SLC9D1: variants seen among roughly 807,000 people sequenced by gnomAD.
SLC9D1 encodes solute carrier family 9 member D1, also known as putative LAG1-interacting protein.
At chr13:113,503,452 G>A in the SLC9D1 span, 1 of 1,484,676 alleles carries the variant, frequency 6.7e-7, no homozygotes, top group South Asian at 1.1e-5. Flanking sequence ...TACTTAATAT[G>A]TTAAACATGT....
chr13:113,507,416 TC>T, the SLC9D1 span, among the ~76,000 whole-genome samples: 1 of 152,210 alleles, frequency 6.6e-6, no homozygotes, highest in African/African-American at 2.4e-5. Context: ...CTGATGAGCC[TC>T]CTGCCACGTG....
chr13:113,495,749 G>C, the SLC9D1 span: 2 of 1,614,066 alleles, frequency 1.2e-6, no homozygotes. Flanking sequence ...GCTGCAGGAA[G>C]CTCTCAGGGC....
chr13:113,509,638 A>C, the SLC9D1 span, among the ~76,000 whole-genome samples: 1 of 152,238 alleles, frequency 6.6e-6, no homozygotes, highest in Admixed American at 6.5e-5. Flanking sequence ...GGGACCATGC[A>C]GTGAGGAGAA....
At chr13:113,536,919 C>G in the SLC9D1 span, among the ~76,000 whole-genome samples, 5 of 152,212 alleles carry the variant, frequency 3.3e-5, no homozygotes, top group South Asian at 2.1e-4. Flanking sequence ...GCCAGCCCGT[C>G]CTGCTGCTGT....
chr13:113,507,767 A>G, the SLC9D1 span, among the ~76,000 whole-genome samples: 1 of 152,242 alleles, frequency 6.6e-6, no homozygotes, highest in African/African-American at 2.4e-5. Context: ...TGTTCTAACT[A>G]CAAATACCTG....
chr13:113,508,526 G>A, the SLC9D1 span, among the ~76,000 whole-genome samples: 382 of 152,326 alleles, frequency 2.5e-3, 2 homozygotes, highest in African/African-American at 8.7e-3. Flanking sequence ...AAATTCAGAG[G>A]CAGGCTTTGT....
the SLC9D1 span, among the ~76,000 whole-genome samples, chr13:113,494,129 T>C: frequency 6.6e-6 from 1 of 152,326 alleles, no homozygotes; most frequent in South Asian, 2.1e-4. Flanking sequence ...TATGTGATGG[T>C]TGAGTAGGAA....
chr13:113,493,115 T>C, the SLC9D1 span, among the ~76,000 whole-genome samples: 7 of 152,236 alleles, frequency 4.6e-5, no homozygotes, highest in Non-Finnish European at 8.8e-5. Context: ...TTTCATGTTA[T>C]GAGTATGTTT....
At chr13:113,549,656 G>T in the SLC9D1 span, 1 of 1,159,992 alleles carries the variant, frequency 8.6e-7, no homozygotes. Flanking sequence ...CCCTCTAGCA[G>T]AGCGTCAGTG....
the SLC9D1 span, among the ~76,000 whole-genome samples, chr13:113,519,041 T>C: frequency 1.4e-5 from 2 of 142,228 alleles, no homozygotes; most frequent in South Asian, 4.5e-4. Context: ...TTGATAACAG[T>C]AGCTTTTTTT....
the SLC9D1 span, chr13:113,496,102 A>G: frequency 1.9e-6 from 2 of 1,037,138 alleles, no homozygotes; most frequent in Non-Finnish European, 1.4e-6. Context: ...GCGTGCCCAC[A>G]TCCTCATCCT....
At chr13:113,508,444 C>T in the SLC9D1 span, among the ~76,000 whole-genome samples, 1 of 152,182 alleles carries the variant, frequency 6.6e-6, no homozygotes. Context: ...CCGTGATATT[C>T]GGAAGAGGAA....
At chr13:113,526,881 A>T in the SLC9D1 span, among the ~76,000 whole-genome samples, 1 of 152,226 alleles carries the variant, frequency 6.6e-6, no homozygotes, top group Non-Finnish European at 1.5e-5. Flanking sequence ...CTTTGATGCT[A>T]TACTTTCAGT....
chr13:113,539,502 C>G, the SLC9D1 span: 2 of 1,611,826 alleles, frequency 1.2e-6, no homozygotes, highest in East Asian at 2.2e-5. The surrounding 1 kb of genome is among the most constrained non-coding windows in gnomAD (Gnocchi z 4.8). Flanking sequence ...TTCTTCGCCT[C>G]CATAGGTAAT....
chr13:113,493,016 A>C, the SLC9D1 span, among the ~76,000 whole-genome samples: 10,122 of 152,332 alleles, frequency 0.066, 383 homozygotes, highest in Non-Finnish European at 0.078. Flanking sequence ...TTTAGTAGTC[A>C]GTAGGATTTT....
chr13:113,519,119 C>T, the SLC9D1 span, among the ~76,000 whole-genome samples: 1 of 151,074 alleles, frequency 6.6e-6, no homozygotes, highest in Non-Finnish European at 1.5e-5. Flanking sequence ...TCTCAGCTCA[C>T]TGTAACCTCC....
chr13:113,532,408 CTG>C, the SLC9D1 span, among the ~76,000 whole-genome samples: 755 of 152,202 alleles, frequency 5.0e-3, 6 homozygotes, highest in Non-Finnish European at 7.3e-3. Flanking sequence ...GCAAGGGGCT[CTG>C]TGGCCTGTGT....
At chr13:113,503,715 G>A in the SLC9D1 span, 13 of 585,468 alleles carry the variant, frequency 2.2e-5, no homozygotes, top group South Asian at 1.4e-4. Flanking sequence ...ATGATATTTC[G>A]GTTTGATGTT....
the SLC9D1 span, among the ~76,000 whole-genome samples, chr13:113,502,747 G>A: frequency 1.3e-5 from 2 of 152,202 alleles, no homozygotes; most frequent in Non-Finnish European, 2.9e-5. Context: ...GGCGTGCCAG[G>A]GGGTGGGACG....
Sources: allele counts gnomAD v4.1 joint callset (sites outside exome capture counted in the v4.1 genomes callset), GRCh38; gene constraint gnomAD v4.1.1; non-coding constraint Gnocchi (gnomAD v3.1); transcripts MANE v1.5; gene names NCBI Gene and HGNC (gene_info 2026-07-23, HGNC 2026-07-21).